The following PHYKPL variants were observed in gnomAD, a reference collection of about 807,000 sequenced individuals.
PHYKPL encodes the protein 5-phosphonooxy-L-lysine phospho-lyase.
In PHYKPL, 42 loss-of-function variants were observed where a neutral mutation model predicts 51.3. That is an observed-to-expected ratio of 0.82 (90% CI 0.64 to 1.06). The LOEUF is 1.06. PHYKPL is among the 50% of genes least tolerant of loss of function. PHYKPL has a pLI of 0.00. For missense variants in PHYKPL, 655 were observed against 586.6 expected, an observed-to-expected ratio of 1.12 and a Z score of -1.20; for synonymous variants, 264 against 236.0, an observed-to-expected ratio of 1.12 and a Z score of -1.09.
chr5:178,223,095 T>C lies in PHYKPL; in HGVS notation c.619-161A>G, dbSNP rs138546874. ...ACATCTGAAGGTTTGTGACTCAGTT[T>C]TCTCTCAGGCCTCCAGCCAACTCTT... On this transcript the variant is annotated intron_variant, in intron 6 of 12. Coordinates refer to ENST00000308158, the MANE Select transcript of PHYKPL (RefSeq NM_153373.4). Among the ~76,000 whole-genome samples, 1,522 of 152,256 alleles carry C rather than the reference T, an allele frequency of 1.0e-2. 24 individuals are homozygous for C. The highest frequency in any genetic ancestry group is 0.035 in the African/African-American group (1,449 of 41,544).
At chr5:178,217,998 A>G (rs976821281) in intron 8 of PHYKPL, among the ~76,000 whole-genome samples, 4 of 150,410 alleles carry the variant, frequency 2.7e-5, no homozygotes, top group Admixed American at 1.3e-4. Context: ...CGGGCGGATC[A>G]CGAGGTCAGG....
chr5:178,209,391 G>A (rs1757455217), intron 12 of PHYKPL: 1 of 1,614,200 alleles, frequency 6.2e-7, no homozygotes, highest in Non-Finnish European at 8.5e-7. Context: ...GGCTCTGGGG[G>A]CCGTGGAAAC....
chr5:178,218,049 C>T (rs1445287381), intron 8 of PHYKPL, among the ~76,000 whole-genome samples: 2 of 129,906 alleles, frequency 1.5e-5, no homozygotes, highest in Non-Finnish European at 3.2e-5. Flanking sequence ...AACCCCGTCT[C>T]TACTAAAAAA....
intron 1 of PHYKPL, chr5:178,232,171 T>A (rs368662430): frequency 8.2e-7 from 1 of 1,221,764 alleles, no homozygotes; most frequent in Admixed American, 4.0e-5. Context: ...AGGGTGAAGG[T>A]CTTCTCCGGA....
In PHYKPL at chr5:178,231,554, T is replaced by C. The variant is rs566857057; in HGVS notation, c.60-31A>G. The C allele has an allele frequency of 1.4e-4, 225 of 1,613,982 alleles. 1 individual carries two copies. In the South Asian group the frequency reaches 2.3e-3, roughly 17 times the overall value. On this transcript the variant is annotated intron_variant, in intron 1 of 12. Coordinates refer to ENST00000308158, the MANE Select transcript of PHYKPL (RefSeq NM_153373.4). Reference sequence around the variant, plus strand: ...GGGACAGGCAAGGAGTGGACAGCCATGTCTGAAGACCGAAAGGGTGAAGTC... The same window carrying C: ...GGGACAGGCAAGGAGTGGACAGCCACGTCTGAAGACCGAAAGGGTGAAGTC...
chr5:178,215,116 C>T (rs953241408), intron 9 of PHYKPL, among the ~76,000 whole-genome samples, 160 bp downstream of exon 9: 1 of 152,154 alleles, frequency 6.6e-6, no homozygotes, highest in Non-Finnish European at 1.5e-5. Flanking sequence ...TAGCTTTCTC[C>T]TCCCCAGGAG....
chr5:178,224,267 C>A, intron 6 of PHYKPL, 181 bp downstream of exon 6: 1 of 663,854 alleles, frequency 1.5e-6, no homozygotes, highest in Non-Finnish European at 2.5e-6. Flanking sequence ...CTGGCTACCA[C>A]GCCCATGCTA....
intron 4 of PHYKPL, chr5:178,225,028 AT>A (rs1205675756): frequency 1.8e-6 from 1 of 557,996 alleles, no homozygotes; most frequent in African/African-American, 1.9e-5. Context: ...ATGTGTTGAT[AT>A]TGTCAGCCTC....
At chr5:178,231,829 G>A in intron 1 of PHYKPL, 1 of 1,364,622 alleles carries the variant, frequency 7.3e-7, no homozygotes, top group South Asian at 1.2e-5. Context: ...AGAAAAGGTG[G>A]CTGCCCCGTC....
intron 1 of PHYKPL, chr5:178,232,008 C>A: frequency 8.3e-7 from 1 of 1,203,226 alleles, no homozygotes; most frequent in Non-Finnish European, 1.1e-6. Flanking sequence ...CCCACCGTCC[C>A]ACCGAGGGCC....
intron 2 of PHYKPL, 82 bp from the exon 3 acceptor site, chr5:178,230,181 C>G (rs1324734154): frequency 2.6e-6 from 4 of 1,554,704 alleles, no homozygotes; most frequent in African/African-American, 1.4e-5. Context: ...AGCTATAAAC[C>G]CAGCCAGAAG....
chr5:178,224,863 G>C (rs1009902955), intron 4 of PHYKPL, 134 bp from the exon 5 acceptor site: 30 of 664,992 alleles, frequency 4.5e-5, no homozygotes, highest in Non-Finnish European at 7.5e-5. Flanking sequence ...AAGTTCTTGG[G>C]CTGGGAAAGA....
intron 12 of PHYKPL, chr5:178,210,689 A>G (rs1758001593): frequency 5.5e-6 from 7 of 1,273,880 alleles, no homozygotes; most frequent in South Asian, 2.4e-5. Flanking sequence ...GAACACAATT[A>G]TGTACCAAAT....
At chr5:178,224,396 A>G in intron 6 of PHYKPL, 52 bp downstream of exon 6, 1 of 1,486,150 alleles carries the variant, frequency 6.7e-7, no homozygotes, top group Non-Finnish European at 9.1e-7. Flanking sequence ...GGCGGTGACA[A>G]CGGAGGTGAC....
intron 8 of PHYKPL, among the ~76,000 whole-genome samples, chr5:178,220,880 G>A (rs1316621900): frequency 1.3e-5 from 2 of 152,060 alleles, no homozygotes; most frequent in African/African-American, 2.4e-5. Context: ...TGATATGTTA[G>A]TAGAAAAAAA....
intron 2 of PHYKPL, chr5:178,230,476 C>T (rs1763162187): frequency 5.4e-6 from 1 of 185,258 alleles, no homozygotes; most frequent in Non-Finnish European, 1.1e-5. Flanking sequence ...CCCACCTCAG[C>T]CTCCTGAGCA....
intron 11 of PHYKPL, 110 bp downstream of exon 11, chr5:178,212,862 GT>G: frequency 7.0e-7 from 1 of 1,433,654 alleles, no homozygotes; most frequent in South Asian, 1.3e-5. Flanking sequence ...CAGAGGACAT[GT>G]GCCTCTGCTC....
intron 12 of PHYKPL, chr5:178,210,202 C>T (rs780039911): frequency 8.1e-5 from 130 of 1,612,062 alleles, no homozygotes; most frequent in Middle Eastern, 1.6e-4. Flanking sequence ...AGCAGGGCTA[C>T]GGGCCTGGCT....
intron 3 of PHYKPL, chr5:178,228,467 A>G (rs1312424425): frequency 1.6e-5 from 11 of 694,250 alleles, no homozygotes; most frequent in Non-Finnish European, 2.9e-5. Flanking sequence ...TGGTGGCATA[A>G]GAATGCCCCT....
Sources: gnomAD v4.1 joint callset for allele counts (sites outside exome capture counted in the v4.1 genomes callset) on GRCh38, gnomAD v4.1.1 for gene constraint, MANE v1.5 for transcripts, NCBI Gene and HGNC (gene_info 2026-07-23, HGNC 2026-07-21) for gene names.